The following SEMA3E variants were observed in gnomAD, a reference collection of about 807,000 sequenced individuals.
The protein encoded by SEMA3E is semaphorin-3E.
A neutral mutation model predicts 93.6 loss-of-function variants in SEMA3E; 49 were observed. The ratio of observed to expected loss-of-function variants is 0.52; its 90% confidence interval spans 0.42 to 0.66. The LOEUF is 0.66. Among genes scored for constraint, SEMA3E ranks in the 30% least tolerant of loss-of-function variants. The pLI, the probability that SEMA3E is intolerant of heterozygous loss-of-function variation, is 0.00. For synonymous variants in SEMA3E, 363 were observed against 330.7 expected, an observed-to-expected ratio of 1.10 and a Z score of -1.06; for missense variants, 906 against 964.8, an observed-to-expected ratio of 0.94 and a Z score of 0.81.
intron 4 of SEMA3E, among the ~76,000 whole-genome samples, chr7:83,435,436 A>C (rs998514753): frequency 6.6e-6 from 1 of 152,034 alleles, no homozygotes; most frequent in Admixed American, 6.5e-5. Flanking sequence ...TTTACTAAAA[A>C]AATACAAAAA....
intron 4 of SEMA3E, among the ~76,000 whole-genome samples, chr7:83,450,746 G>C (rs752624019): frequency 1.8e-4 from 28 of 151,890 alleles, no homozygotes; most frequent in Non-Finnish European, 3.5e-4. Flanking sequence ...CATTTTATAA[G>C]TTAACAAAAC....
intron 1 of SEMA3E, among the ~76,000 whole-genome samples, chr7:83,499,024 AC>A (rs1562807900): frequency 7.4e-6 from 1 of 135,048 alleles, no homozygotes. Flanking sequence ...CATAATATAA[AC>A]CTTTTTCTTT....
chr7:83,425,496 C>A (rs1432301700), intron 4 of SEMA3E, among the ~76,000 whole-genome samples: 1 of 152,168 alleles, frequency 6.6e-6, no homozygotes. Context: ...TACTCTGCTG[C>A]AAAGAGTCCT....
chr7:83,367,490 C>A lies in SEMA3E; in HGVS notation c.*96G>T. The A allele has an allele frequency of 8.0e-7, 1 of 1,253,974 alleles. No individual in the cohort carries two copies. The highest frequency in any genetic ancestry group is 1.2e-6 in the Non-Finnish European group (1 of 853,810). 77.7% of individuals were successfully genotyped at this position (1,253,974 alleles called of 1,614,324 possible). A position where few individuals can be genotyped will look rare whatever the true frequency, so the allele number is the denominator to read the frequency against. ...AGTCATTCCTGTATTACAGAAATCT[C>A]TTTTAAGTAATGCAAAGAAGTTGGA... is the stretch of plus-strand genomic sequence containing the variant. On this transcript the variant is annotated 3_prime_UTR_variant, in exon 17 of 17. Transcript: ENST00000643230.
chr7:83,438,459 A>C (rs1207732972), intron 4 of SEMA3E, among the ~76,000 whole-genome samples: 1 of 152,160 alleles, frequency 6.6e-6, no homozygotes, highest in African/African-American at 2.4e-5. Context: ...TCAATCACTT[A>C]ATAAAATACC....
chr7:83,405,409 C>T (rs903721951), intron 9 of SEMA3E, 41 bp downstream of exon 9: 1 of 1,442,794 alleles, frequency 6.9e-7, no homozygotes, highest in Admixed American at 1.7e-5. Context: ...TGAGGCATCT[C>T]TTGTTCTATA....
At chr7:83,389,687 C>T (rs989923584) in intron 14 of SEMA3E, among the ~76,000 whole-genome samples, 2 of 149,700 alleles carry the variant, frequency 1.3e-5, no homozygotes, top group African/African-American at 4.9e-5. Context: ...GTATATATTA[C>T]ATGTATACAT....
At chr7:83,434,438 T>G (rs1788956646) in intron 4 of SEMA3E, among the ~76,000 whole-genome samples, 1 of 152,206 alleles carries the variant, frequency 6.6e-6, no homozygotes, top group Non-Finnish European at 1.5e-5. Flanking sequence ...AAAGCAAACT[T>G]TATTAAATTA....
chr7:83,499,910 A>G (rs549498494), intron 1 of SEMA3E, among the ~76,000 whole-genome samples: 1 of 152,182 alleles, frequency 6.6e-6, no homozygotes, highest in Non-Finnish European at 1.5e-5. Flanking sequence ...CAGAGGCTGA[A>G]TTTGGACATC....
chr7:83,609,322 A>G (rs1793196591), intron 1 of SEMA3E, among the ~76,000 whole-genome samples: 1 of 152,006 alleles, frequency 6.6e-6, no homozygotes. Context: ...CGGATCAGGC[A>G]CACTGTCTAC....
At chr7:83,615,120 T>C (rs1793337077) in intron 1 of SEMA3E, among the ~76,000 whole-genome samples, 1 of 152,204 alleles carries the variant, frequency 6.6e-6, no homozygotes, top group Middle Eastern at 3.4e-3. Flanking sequence ...ATCTTCATCA[T>C]AACTAATAAC....
intron 10 of SEMA3E, among the ~76,000 whole-genome samples, chr7:83,401,050 G>T (rs1304244134): frequency 6.6e-6 from 1 of 152,078 alleles, no homozygotes; most frequent in Non-Finnish European, 1.5e-5. Context: ...ATGGCAAAAA[G>T]ACACTCTCTG....
In SEMA3E at chr7:83,454,296, T is replaced by TATATAA. The variant is rs1350195502; in HGVS notation, c.456+12185_456+12186insTTATAT. On this transcript the variant is annotated intron_variant, in intron 4 of 16. Coordinates refer to ENST00000643230, the MANE Select transcript of SEMA3E (RefSeq NM_012431.3). Reference sequence around the variant, plus strand: ...AAATATATATATATATATATATATATAATGTGTGTATATATATTTGATAAA... The same window carrying TATATAA: ...AAATATATATATATATATATATATATATATAAAATGTGTGTATATATATTTGATAAA... Among the ~76,000 whole-genome samples, 270 of 130,578 alleles carry TATATAA rather than the reference T, an allele frequency of 2.1e-3. 1 individual carries two copies. Among genetic ancestry groups the TATATAA allele is most frequent in the African/African-American group, 7.5e-3 (263 of 34,958 alleles). 85.7% of individuals were successfully genotyped at this position (130,578 alleles called of 152,430 possible).
At chr7:83,607,822 G>A (rs1793159196) in intron 1 of SEMA3E, among the ~76,000 whole-genome samples, 3 of 152,274 alleles carry the variant, frequency 2.0e-5, no homozygotes, top group Middle Eastern at 3.4e-3. Context: ...GGGAGGAGGA[G>A]CCTTGGAGAC....
rs1429112884 is a variant in SEMA3E at position 83,408,403 on chromosome 7, A to G, written c.635T>C (p.Ile212Thr). The stretch of plus-strand genomic sequence containing the variant: ...ACGCTCATCGTCATGCTCAGTGCGG[A>G]TATGGGCCAGTCGCCCCATGCTGCG... The part of the protein sequence containing the change: ...IFRSMGRLAH[I>T]RTEHDDERLL... Residue 212 changes from isoleucine to threonine, a missense_variant, in exon 6 of 17, where the codon ATC (isoleucine) becomes ACC (threonine). Physicochemically the swap from Ile to Thr is moderately conservative, Grantham distance 89. Coordinates refer to ENST00000643230, the MANE Select transcript of SEMA3E (RefSeq NM_012431.3). 2 of 1,613,698 alleles carry G rather than the reference A, an allele frequency of 1.2e-6. No individual in the cohort carries two copies. The highest frequency in any genetic ancestry group is 1.7e-6 in the Non-Finnish European group (2 of 1,179,872).
chr7:83,429,662 C>G (rs1788842851), intron 4 of SEMA3E, among the ~76,000 whole-genome samples: 1 of 152,162 alleles, frequency 6.6e-6, no homozygotes, highest in South Asian at 2.1e-4. Context: ...AGCTCAGGCC[C>G]TTCACTGTTT....
chr7:83,438,456 C>T (rs1164207353), intron 4 of SEMA3E, among the ~76,000 whole-genome samples: 7 of 152,104 alleles, frequency 4.6e-5, no homozygotes, highest in Admixed American at 2.0e-4. Context: ...ATTTCAATCA[C>T]TTAATAAAAT....
chr7:83,409,950 A>C (rs982627708), intron 5 of SEMA3E, among the ~76,000 whole-genome samples: 2 of 151,688 alleles, frequency 1.3e-5, no homozygotes, highest in Non-Finnish European at 2.9e-5. Context: ...ACTTGCATTA[A>C]CTATTAATAT....
At chr7:83,440,411 A>G (rs1789089660) in intron 4 of SEMA3E, among the ~76,000 whole-genome samples, 1 of 152,034 alleles carries the variant, frequency 6.6e-6, no homozygotes, top group African/African-American at 2.4e-5. Flanking sequence ...CATTAGGGAC[A>G]TTTTCTGTCT....
Sources: gnomAD v4.1 joint callset for allele counts (sites outside exome capture counted in the v4.1 genomes callset) on GRCh38, gnomAD v4.1.1 for gene constraint, MANE v1.5 for transcripts, NCBI Gene and HGNC (gene_info 2026-07-23, HGNC 2026-07-21) for gene names.